LRMDA: variants seen among roughly 807,000 people sequenced by gnomAD.
LRMDA encodes leucine rich melanocyte differentiation associated, also known as leucine-rich melanocyte differentiation-associated protein.
Under a neutral mutation model 29.8 loss-of-function variants are expected in LRMDA, and 18 were observed. That is an observed-to-expected ratio of 0.60 (90% CI 0.42 to 0.90). LRMDA has a LOEUF of 0.90. Ranked by LOEUF, LRMDA falls within the 40% of genes least tolerant of loss-of-function variation. The pLI is 0.00. For synonymous variants in LRMDA, 125 were observed against 109.4 expected, an observed-to-expected ratio of 1.14 and a Z score of -0.89; for missense variants, 273 against 273.9, an observed-to-expected ratio of 1.00 and a Z score of 0.02.
intron 5 of LRMDA, among the ~76,000 whole-genome samples, chr10:76,076,456 A>T (rs1486743064): frequency 6.7e-6 from 1 of 150,008 alleles, no homozygotes; most frequent in Non-Finnish European, 1.5e-5. Context: ...AATTATTTTC[A>T]TGTAAGCATC....
chr10:75,525,110 C>T (rs1297661646), intron 2 of LRMDA, among the ~76,000 whole-genome samples: 4 of 152,230 alleles, frequency 2.6e-5, no homozygotes, highest in East Asian at 1.9e-4. Flanking sequence ...TTTACCCTTG[C>T]TCCCAGCCCA....
At chr10:76,190,648 A>G (rs1851227550) in intron 5 of LRMDA, among the ~76,000 whole-genome samples, 1 of 152,124 alleles carries the variant, frequency 6.6e-6, no homozygotes, top group African/African-American at 2.4e-5. Flanking sequence ...TTTTCATCAG[A>G]TCTGAATGTT....
At chr10:75,780,856 G>T (rs61736004) in intron 2 of LRMDA, among the ~76,000 whole-genome samples, 2,204 of 152,204 alleles carry the variant, frequency 0.014, 55 homozygotes, top group African/African-American at 0.05. Flanking sequence ...GTGTTGTTGT[G>T]TCCTGCCTTT....
intron 2 of LRMDA, among the ~76,000 whole-genome samples, chr10:75,901,891 G>C (rs990725842): frequency 1.3e-5 from 2 of 152,132 alleles, no homozygotes; most frequent in African/African-American, 4.8e-5. Flanking sequence ...CGCTCCCCAA[G>C]TCATCAACCT....
intron 5 of LRMDA, among the ~76,000 whole-genome samples, chr10:76,082,598 C>T (rs1849065859): frequency 6.6e-6 from 1 of 151,110 alleles, no homozygotes; most frequent in African/African-American, 2.4e-5. Context: ...TGAATGAGAT[C>T]AGACTTTGGA....
chr10:75,719,535 G>A (rs1265974798), intron 2 of LRMDA, among the ~76,000 whole-genome samples: 1 of 152,204 alleles, frequency 6.6e-6, no homozygotes, highest in Non-Finnish European at 1.5e-5. Flanking sequence ...TCTCCAGGGT[G>A]GATTTAATTT....
intron 6 of LRMDA, among the ~76,000 whole-genome samples, chr10:76,506,577 TC>T (rs1842961372): frequency 6.6e-6 from 1 of 152,132 alleles, no homozygotes; most frequent in Admixed American, 6.6e-5. Context: ...AGTTATTCTT[TC>T]TCACTGTATT....
At chr10:76,319,017 C>T (rs1840735882) in intron 5 of LRMDA, 1 of 152,308 alleles carries the variant, frequency 6.6e-6, no homozygotes, top group Non-Finnish European at 1.5e-5. Flanking sequence ...TCACGCCATT[C>T]TCCTGCCTTA....
chr10:75,958,007 T>A (rs1846694134), intron 2 of LRMDA, among the ~76,000 whole-genome samples: 2 of 152,332 alleles, frequency 1.3e-5, no homozygotes, highest in African/African-American at 4.8e-5. Context: ...GTTTATGGGC[T>A]TGTGCAGAGG....
chr10:76,271,983 C>G (rs912828780), intron 5 of LRMDA, among the ~76,000 whole-genome samples: 5 of 152,156 alleles, frequency 3.3e-5, no homozygotes, highest in African/African-American at 9.7e-5. Flanking sequence ...TGTGCAGTCA[C>G]TCAGTAAGAA....
At chr10:76,127,014 C>T (rs74613263) in intron 5 of LRMDA, among the ~76,000 whole-genome samples, 405 of 152,274 alleles carry the variant, frequency 2.7e-3, no homozygotes, top group African/African-American at 9.2e-3. Flanking sequence ...GCTACTTGCT[C>T]ATAAAGCCAA....
At chr10:75,534,094 A>G (rs1222618327) in intron 2 of LRMDA, among the ~76,000 whole-genome samples, 2 of 152,140 alleles carry the variant, frequency 1.3e-5, no homozygotes, top group Non-Finnish European at 2.9e-5. Context: ...GGCTCTCTTC[A>G]TGCTCTCTAC....
At chr10:75,769,340 T>C (rs1843208123) in intron 2 of LRMDA, among the ~76,000 whole-genome samples, 1 of 152,214 alleles carries the variant, frequency 6.6e-6, no homozygotes, top group Non-Finnish European at 1.5e-5. Context: ...TGCAACATGT[T>C]CTACACTGCA....
intron 5 of LRMDA, among the ~76,000 whole-genome samples, chr10:76,196,420 C>T (rs755811312): frequency 6.6e-6 from 1 of 152,230 alleles, no homozygotes; most frequent in Non-Finnish European, 1.5e-5. Context: ...GAATCCTGAA[C>T]TAGAAATGTT....
chr10:76,047,020 C>T (rs903106466), intron 3 of LRMDA, 144 bp from the exon 4 acceptor site: 27 of 869,506 alleles, frequency 3.1e-5, no homozygotes, highest in Middle Eastern at 3.3e-4. Context: ...GTAGCAATAC[C>T]GTATACCCAC....
chr10:76,146,583 C>G (rs1263190459), intron 5 of LRMDA, among the ~76,000 whole-genome samples: 1 of 152,102 alleles, frequency 6.6e-6, no homozygotes, highest in Admixed American at 6.5e-5. Flanking sequence ...GCCTATATGT[C>G]TCTGCACGTG....
chr10:76,272,852 T>G (rs1840085020), intron 5 of LRMDA, among the ~76,000 whole-genome samples: 1 of 152,050 alleles, frequency 6.6e-6, no homozygotes, highest in African/African-American at 2.4e-5. Flanking sequence ...AAGGGGGAAC[T>G]GCCAAAAACT....
chr10:75,505,441 A>G (rs12268310), intron 2 of LRMDA, among the ~76,000 whole-genome samples: 1,919 of 152,284 alleles, frequency 0.013, 49 homozygotes, highest in African/African-American at 0.044. Flanking sequence ...ATCAGGGGAC[A>G]GCCAGCAATC....
chr10:75,501,076 T>C (rs866112708), intron 2 of LRMDA, among the ~76,000 whole-genome samples: 8 of 152,244 alleles, frequency 5.3e-5, no homozygotes, highest in African/African-American at 1.9e-4. Flanking sequence ...TCTGAAGGAA[T>C]GCAAGTCTAG....
Sources: allele counts gnomAD v4.1 joint callset (sites outside exome capture counted in the v4.1 genomes callset), GRCh38; gene constraint gnomAD v4.1.1; transcripts MANE v1.5; gene names NCBI Gene and HGNC (gene_info 2026-07-23, HGNC 2026-07-21).